The following ELAVL2 variants were observed in gnomAD, a reference collection of about 807,000 sequenced individuals.
ELAVL2 encodes the protein ELAV like RNA binding protein 2.
In ELAVL2, 4 loss-of-function variants were observed where a neutral mutation model predicts 34.6. The observed-to-expected ratio is 0.12, with a 90% CI of 0.06 to 0.26. The LOEUF is 0.26. ELAVL2 is among the 10% of genes least tolerant of loss of function. The pLI is 1.00. For synonymous variants in ELAVL2, 193 were observed against 154.8 expected (o/e 1.25, Z -1.83); for missense variants, 432 against 442.8 (o/e 0.98, Z 0.22).
chr9:23,699,310 G>A (rs2036336172), intron 5 of ELAVL2, among the ~76,000 whole-genome samples: 1 of 152,038 alleles, frequency 6.6e-6, no homozygotes, highest in Admixed American at 6.6e-5. Context: ...CAATAATCAG[G>A]CACTCTCCCA....
At chr9:23,820,515 G>C (rs1398479233) in intron 1 of ELAVL2, among the ~76,000 whole-genome samples, 1 of 152,184 alleles carries the variant, frequency 6.6e-6, no homozygotes, top group Non-Finnish European at 1.5e-5. Flanking sequence ...CTTTAAAAAT[G>C]CACACAATTC....
chr9:23,780,890 T>A (rs1326650941), intron 1 of ELAVL2, among the ~76,000 whole-genome samples: 2 of 152,098 alleles, frequency 1.3e-5, no homozygotes, highest in Non-Finnish European at 2.9e-5. Flanking sequence ...ACAGTCAGGG[T>A]TAGGAGTGGC....
At chr9:23,778,249 G>A (rs1195438432) in intron 1 of ELAVL2, among the ~76,000 whole-genome samples, 1 of 152,200 alleles carries the variant, frequency 6.6e-6, no homozygotes, top group African/African-American at 2.4e-5. Context: ...GCAAGGGATA[G>A]ACAAAAACAA....
intron 2 of ELAVL2, among the ~76,000 whole-genome samples, chr9:23,757,567 C>T (rs2053873101): frequency 6.6e-6 from 1 of 151,546 alleles, no homozygotes; most frequent in Non-Finnish European, 1.5e-5. Context: ...AAATCCATTT[C>T]GTTCATCTAG....
intron 2 of ELAVL2, among the ~76,000 whole-genome samples, chr9:23,743,076 G>A (rs900019067): frequency 1.1e-4 from 17 of 152,160 alleles, no homozygotes; most frequent in African/African-American, 4.1e-4. Flanking sequence ...AGTCCCCAGA[G>A]GAAATTGAGC....
At chr9:23,829,434 T>G (rs2065429325), upstream of ELAVL2, among the ~76,000 whole-genome samples, 1 of 152,210 alleles carries the variant, frequency 6.6e-6, no homozygotes, top group Non-Finnish European at 1.5e-5. Flanking sequence ...AAACTACTTG[T>G]AACGTTTTGT....
Position 23,693,415 on chromosome 9 carries a change from G to C in ELAVL2, c.752+33C>G, listed in dbSNP as rs200428427. ...CAAAGAAACCAATCAACTGTGGAAA[G>C]GGATTATGAGTATCATGAACCTCTA... On this transcript the variant is annotated intron_variant, in intron 6 of 6. Coordinates refer to ENST00000397312, the MANE Select transcript of ELAVL2 (RefSeq NM_004432.5). The C allele has an allele frequency of 3.1e-6, 5 of 1,612,960 alleles. No individual in the cohort carries two copies. The African/African-American group carries it at 6.7e-5, about 22-fold the overall frequency.
chr9:23,779,504 T>C lies in ELAVL2; in HGVS notation c.-15-17255A>G, dbSNP rs761043066. 561 of 660,756 alleles carry C rather than the reference T, an allele frequency of 8.5e-4. 1 individual carries two copies. The highest frequency in any genetic ancestry group is 1.5e-3 in the Middle Eastern group (2 of 1,304). The allele number at this position is 660,756 out of a possible 1,614,324, so 40.9% of individuals were successfully genotyped here. A position where few individuals can be genotyped will look rare whatever the true frequency, so the allele number is the denominator to read the frequency against. On this transcript the variant is annotated intron_variant, in intron 1 of 6. Coordinates refer to ENST00000397312, the MANE Select transcript of ELAVL2 (RefSeq NM_004432.5). ...TGGCTTCCTTAGACTCAGAAACTAATGCATTCTTCCCTGCCTCCAAAGCTG... is the reference window on the plus strand; with the variant it reads ...TGGCTTCCTTAGACTCAGAAACTAACGCATTCTTCCCTGCCTCCAAAGCTG...
At chr9:23,756,280 T>C (rs2053539043) in intron 2 of ELAVL2, among the ~76,000 whole-genome samples, 1 of 152,210 alleles carries the variant, frequency 6.6e-6, no homozygotes, top group South Asian at 2.1e-4. Context: ...GCAGGAGCCT[T>C]ATCATGCAAG....
At chr9:23,802,127 A>C (rs2061638200) in intron 1 of ELAVL2, among the ~76,000 whole-genome samples, 1 of 152,212 alleles carries the variant, frequency 6.6e-6, no homozygotes, top group Non-Finnish European at 1.5e-5. Context: ...GCAACAAACT[A>C]GGACAATGAA....
At chr9:23,764,592 A>AT (rs2055816461) in intron 1 of ELAVL2, among the ~76,000 whole-genome samples, 1 of 152,208 alleles carries the variant, frequency 6.6e-6, no homozygotes, top group African/African-American at 2.4e-5. Flanking sequence ...TTTCAGCCAG[A>AT]TTTACAATTT....
At chr9:23,770,443 A>G (rs2057103384) in intron 1 of ELAVL2, among the ~76,000 whole-genome samples, 1 of 152,166 alleles carries the variant, frequency 6.6e-6, no homozygotes, top group Admixed American at 6.5e-5. Context: ...GGGAATTAAG[A>G]TTGTAGAATT....
chr9:23,779,984 A>T (rs2058824709), intron 1 of ELAVL2, among the ~76,000 whole-genome samples: 1 of 2,116 alleles, frequency 4.7e-4, no homozygotes, highest in Admixed American at 4.4e-3. Flanking sequence ...TTCCTTAAAA[A>T]AAAAAAAAAA....
At chr9:23,789,158 T>A (rs2060049441) in intron 1 of ELAVL2, among the ~76,000 whole-genome samples, 1 of 152,156 alleles carries the variant, frequency 6.6e-6, no homozygotes, top group Non-Finnish European at 1.5e-5. Context: ...AAGTTTGGCC[T>A]GCTTATTCAG....
intron 5 of ELAVL2, among the ~76,000 whole-genome samples, chr9:23,700,931 A>C (rs1563941280): frequency 6.6e-6 from 1 of 152,038 alleles, no homozygotes; most frequent in Non-Finnish European, 1.5e-5. Context: ...AGATAACCCC[A>C]GAAAGCTACA....
At chr9:23,739,007 T>G (rs1361707814) in intron 2 of ELAVL2, among the ~76,000 whole-genome samples, 1 of 152,174 alleles carries the variant, frequency 6.6e-6, no homozygotes, top group Non-Finnish European at 1.5e-5. Flanking sequence ...CAGACAACAT[T>G]AAGAACTCCC....
intron 5 of ELAVL2, among the ~76,000 whole-genome samples, chr9:23,700,107 C>G (rs1479006477): frequency 1.3e-5 from 2 of 151,960 alleles, no homozygotes; most frequent in Non-Finnish European, 2.9e-5. Context: ...TAGATTTAAG[C>G]TAGAAAACAT....
intron 4 of ELAVL2, among the ~76,000 whole-genome samples, chr9:23,703,599 T>TG (rs1201961189): frequency 6.6e-6 from 1 of 152,182 alleles, no homozygotes; most frequent in African/African-American, 2.4e-5. Context: ...GCAGGTAATA[T>TG]GGGCTCCTCT....
rs11450267 is a variant in ELAVL2 at position 23,772,534 on chromosome 9, CAAAAAAAAA to C, written c.-15-10294_-15-10286del. On this transcript the variant is annotated intron_variant, in intron 1 of 6. Transcript: ENST00000397312. ...CTGTTTAACCTCAAGCAGCTTACAC[CAAAAAAAAA>C]AAAAAAAAAAAAAAGGCATCTAAAA... Among the ~76,000 whole-genome samples, 289 of 67,656 alleles carry C rather than the reference CAAAAAAAAA, an allele frequency of 4.3e-3. 2 individuals carry two copies. The highest frequency in any genetic ancestry group is 0.013 in the African/African-American group (254 of 19,548). 44.4% of individuals were successfully genotyped at this position (67,656 alleles called of 152,430 possible).
Sources: allele counts gnomAD v4.1 joint callset (sites outside exome capture counted in the v4.1 genomes callset), GRCh38; gene constraint gnomAD v4.1.1; transcripts MANE v1.5; gene names NCBI Gene and HGNC (gene_info 2026-07-23, HGNC 2026-07-21).